The following PPP1R9A variants were observed in gnomAD, a reference collection of about 807,000 sequenced individuals.
The protein encoded by PPP1R9A is neurabin-1.
PPP1R9A carries 59 observed loss-of-function variants against 141.9 expected under a neutral mutation model. The ratio of observed to expected loss-of-function variants is 0.42; its 90% CI spans 0.34 to 0.52. The LOEUF (loss-of-function observed/expected upper bound fraction) is 0.52. PPP1R9A is among the 20% of genes least tolerant of loss of function. PPP1R9A has a pLI of 0.10. For synonymous variants in PPP1R9A, 500 were observed against 569.7 expected (o/e 0.88, Z 1.74); for missense variants, 1,444 against 1,611.9 (o/e 0.90, Z 1.78).
chr7:95,158,019 T>C (rs1829899741), intron 4 of PPP1R9A, among the ~76,000 whole-genome samples: 1 of 152,104 alleles, frequency 6.6e-6, no homozygotes, highest in Non-Finnish European at 1.5e-5. Flanking sequence ...CTCAGACAAA[T>C]TTGAAGAAAA....
chr7:95,197,733 C>A (rs957621437), intron 5 of PPP1R9A, among the ~76,000 whole-genome samples: 2 of 152,150 alleles, frequency 1.3e-5, no homozygotes, highest in African/African-American at 4.8e-5. Flanking sequence ...ACTGCAACCT[C>A]CGCCTCTCGG....
At chr7:95,039,685 G>A (rs1808944426) in intron 2 of PPP1R9A, among the ~76,000 whole-genome samples, 1 of 151,944 alleles carries the variant, frequency 6.6e-6, no homozygotes, top group South Asian at 2.1e-4. Flanking sequence ...TTGAAAATAG[G>A]TCAATAGAAG....
At chr7:95,215,349 ATT>A (rs1793121316) in intron 7 of PPP1R9A, among the ~76,000 whole-genome samples, 1 of 151,686 alleles carries the variant, frequency 6.6e-6, no homozygotes, top group Admixed American at 6.6e-5. Context: ...TATGTGCCAC[ATT>A]TTCTTAATCC....
intron 2 of PPP1R9A, among the ~76,000 whole-genome samples, chr7:95,104,711 T>C (rs1177903836): frequency 6.6e-6 from 1 of 152,166 alleles, no homozygotes; most frequent in Non-Finnish European, 1.5e-5. Context: ...CTAACCTTAA[T>C]TTGGGGGAAG....
At position 95,291,922 on chromosome 7, in the gene PPP1R9A, ATTTT is replaced by A. The variant is rs900549327; in HGVS notation, c.*1625_*1628del. On this transcript the variant is annotated 3_prime_UTR_variant, in exon 20 of 20. Coordinates refer to ENST00000433360, the MANE Select transcript of PPP1R9A (RefSeq NM_001166160.2). ...CATCTTGTATTTTAATAACAGTGTGATTTTTTTTTATCTGAAAATCTGAATTCAG... is the reference window on the plus strand; with the variant it reads ...CATCTTGTATTTTAATAACAGTGTGATTTTTATCTGAAAATCTGAATTCAG... The A allele has an allele frequency of 6.6e-6, 1 of 151,524 alleles. No individual in the cohort carries two copies. The highest frequency in any genetic ancestry group is 1.5e-5 in the Non-Finnish European group (1 of 67,852). 9.4% of individuals were successfully genotyped at this position (151,524 alleles called of 1,614,324 possible).
chr7:95,039,456 G>A (rs1808904804), intron 2 of PPP1R9A, among the ~76,000 whole-genome samples: 1 of 151,928 alleles, frequency 6.6e-6, no homozygotes, highest in Non-Finnish European at 1.5e-5. Context: ...TACTCTGGAG[G>A]CTGAGGCAGG....
At chr7:95,257,771 G>GT (rs1308220280) in intron 12 of PPP1R9A, among the ~76,000 whole-genome samples, 4 of 152,036 alleles carry the variant, frequency 2.6e-5, no homozygotes, top group African/African-American at 7.2e-5. Flanking sequence ...GCGGTGTTTG[G>GT]TTTTTTGTCC....
intron 2 of PPP1R9A, among the ~76,000 whole-genome samples, chr7:95,062,381 C>T (rs963525407): frequency 6.6e-6 from 1 of 151,838 alleles, no homozygotes; most frequent in African/African-American, 2.4e-5. Context: ...TTTCTTGCTC[C>T]TTCAAGTGGA....
At position 95,284,347 on chromosome 7, in the gene PPP1R9A, A is replaced by G; in HGVS notation, c.3609+17A>G. 1.4e-6 allele frequency: 2 copies of G among 1,426,484 alleles called. No homozygotes were observed. Among genetic ancestry groups the G allele is most frequent in the Admixed American group, 2.2e-5 (1 of 45,194 alleles). The allele number at this position is 1,426,484 out of a possible 1,614,324, so 88.4% of individuals were successfully genotyped here. ...GAAACCAATGTAATAACACTGCAATAAACAATGCATGGTATTTCTTATGTG... is the reference window on the plus strand; with the variant it reads ...GAAACCAATGTAATAACACTGCAATGAACAATGCATGGTATTTCTTATGTG... On this transcript the variant is annotated intron_variant, in intron 17 of 19. Coordinates refer to ENST00000433360, the MANE Select transcript of PPP1R9A (RefSeq NM_001166160.2).
intron 2 of PPP1R9A, among the ~76,000 whole-genome samples, chr7:95,073,659 A>G (rs1814357359): frequency 7.5e-6 from 1 of 133,594 alleles, no homozygotes; most frequent in Middle Eastern, 4.0e-3. Flanking sequence ...CAAGGCTCAC[A>G]CACCAGAAGA....
At chr7:95,127,278 TG>T (rs563697725) in intron 4 of PPP1R9A, among the ~76,000 whole-genome samples, 265 of 152,186 alleles carry the variant, frequency 1.7e-3, no homozygotes, top group African/African-American at 6.0e-3. Flanking sequence ...TTGATGAAAA[TG>T]ATAATCAAAT....
chr7:94,999,008 G>C (rs1169965272), intron 2 of PPP1R9A, among the ~76,000 whole-genome samples: 2 of 152,286 alleles, frequency 1.3e-5, no homozygotes, highest in African/African-American at 4.8e-5. Context: ...TCCCCGCTTG[G>C]CTTCCCAAAG....
At chr7:95,047,508 A>T (rs1313491912) in intron 2 of PPP1R9A, among the ~76,000 whole-genome samples, 1 of 152,130 alleles carries the variant, frequency 6.6e-6, no homozygotes, top group Non-Finnish European at 1.5e-5. Context: ...AATGTTTCTG[A>T]TACTGCTTTG....
At chr7:95,148,389 G>A (rs1187372957) in intron 4 of PPP1R9A, among the ~76,000 whole-genome samples, 6 of 152,052 alleles carry the variant, frequency 3.9e-5, no homozygotes, top group Admixed American at 6.6e-5. Context: ...GATGGCATGG[G>A]CACTAAAAGG....
intron 4 of PPP1R9A, among the ~76,000 whole-genome samples, chr7:95,126,590 C>A (rs529640313): frequency 3.9e-5 from 6 of 152,240 alleles, no homozygotes; most frequent in African/African-American, 1.4e-4. Context: ...CCTCTGCTAT[C>A]CTGGAAAACT....
intron 2 of PPP1R9A, among the ~76,000 whole-genome samples, chr7:94,967,424 A>G (rs745922691): frequency 1.3e-5 from 2 of 151,948 alleles, no homozygotes; most frequent in Non-Finnish European, 2.9e-5. Flanking sequence ...TCAATTTTAG[A>G]TCTTTCCTGC....
At chr7:95,069,735 G>GTT (rs1012132988) in intron 2 of PPP1R9A, among the ~76,000 whole-genome samples, 64 of 152,152 alleles carry the variant, frequency 4.2e-4, no homozygotes, top group African/African-American at 1.4e-3. Context: ...AGCCCTTTAT[G>GTT]TTTCTAAGGA....
intron 12 of PPP1R9A, among the ~76,000 whole-genome samples, chr7:95,256,232 G>A (rs919719463): frequency 1.3e-5 from 2 of 150,030 alleles, no homozygotes; most frequent in Non-Finnish European, 1.5e-5. Context: ...TAAATATCCT[G>A]TTAATATTAG....
At chr7:94,937,298 T>A (rs183383970) in intron 2 of PPP1R9A, among the ~76,000 whole-genome samples, 47 of 152,240 alleles carry the variant, frequency 3.1e-4, no homozygotes, top group African/African-American at 8.4e-4. Flanking sequence ...TTATTGAAAG[T>A]ATGAGGCTGT....
Sources: gnomAD v4.1 joint callset for allele counts (sites outside exome capture counted in the v4.1 genomes callset) on GRCh38, gnomAD v4.1.1 for gene constraint, MANE v1.5 for transcripts, NCBI Gene and HGNC (gene_info 2026-07-23, HGNC 2026-07-21) for gene names.